The following CNTN4 variants were observed in gnomAD, a reference collection of about 807,000 sequenced individuals.
CNTN4 encodes contactin-4.
Under a neutral mutation model 122.5 loss-of-function variants are expected in CNTN4, and 77 were observed. That is an observed-to-expected ratio of 0.63 (90% CI 0.52 to 0.76). The LOEUF is 0.76. CNTN4 is among the 30% of genes least tolerant of loss of function. The probability of loss-of-function intolerance (pLI) is 0.00; values close to 1 mark genes in which losing one functional copy is unlikely to be tolerated. For missense variants in CNTN4, 1,256 were observed against 1,259.1 expected, an observed-to-expected ratio of 1.00 and a Z score of 0.04; for synonymous variants, 512 against 447.0, an observed-to-expected ratio of 1.15 and a Z score of -1.83.
In CNTN4 at chr3:2,709,448, T is replaced by C. The variant is rs559654115; in HGVS notation, c.56-26767T>C. 6.6e-6 allele frequency among the ~76,000 whole-genome samples: 1 copy of C among 152,214 alleles called. No homozygotes were observed. Among genetic ancestry groups the C allele is most frequent in the African/African-American group, 2.4e-5 (1 of 41,534 alleles). On this transcript the variant is annotated intron_variant, in intron 4 of 24. Coordinates refer to ENST00000418658, the MANE Select transcript of CNTN4 (RefSeq NM_175607.3). This position sits in a 1 kb window ranked among gnomAD's most constrained non-coding sequence, Gnocchi z 5.0. ...TCAAAGTTCCCTCAGGTGATCATCG[T>C]GTGCAATGGGGGATGGGAACTACTG...
intron 7 of CNTN4, among the ~76,000 whole-genome samples, chr3:2,837,305 C>A (rs560394149): frequency 6.6e-6 from 1 of 152,126 alleles, no homozygotes; most frequent in African/African-American, 2.4e-5. Context: ...CCACGTAGTT[C>A]TTTTATTGCT....
intron 4 of CNTN4, among the ~76,000 whole-genome samples, chr3:2,585,912 A>C (rs1010482224): frequency 6.6e-6 from 1 of 151,978 alleles, no homozygotes; most frequent in African/African-American, 2.4e-5. Context: ...AGCTAGGCTC[A>C]GTGTTTCTAG....
chr3:2,812,421 T>C (rs1336908617), intron 6 of CNTN4, among the ~76,000 whole-genome samples: 1 of 152,172 alleles, frequency 6.6e-6, no homozygotes, highest in Non-Finnish European at 1.5e-5. Flanking sequence ...ATATCTTAAA[T>C]ATAAGTGTTA....
At position 2,142,281 on chromosome 3, in the gene CNTN4, T is replaced by A. The variant is rs555213331; in HGVS notation, c.-145+41642T>A. ...AAAATATTTCATAATTTCTCCAAAA[T>A]ATACCAGCTTTCTGGTTTTGTTTTT... On this transcript the variant is annotated intron_variant, in intron 2 of 24. Transcript: ENST00000418658. Among the ~76,000 whole-genome samples the A allele has an allele frequency of 2.0e-5, 3 of 152,362 alleles. No individual in the cohort carries two copies. The South Asian group carries it at 6.2e-4, about 32-fold the overall frequency.
At chr3:2,788,469 C>T (rs1473945677) in intron 6 of CNTN4, among the ~76,000 whole-genome samples, 1 of 152,186 alleles carries the variant, frequency 6.6e-6, no homozygotes, top group Non-Finnish European at 1.5e-5. Flanking sequence ...CCATTCACAA[C>T]ATTCTTACTG....
chr3:2,181,367 T>C (rs2037007584), intron 2 of CNTN4, among the ~76,000 whole-genome samples: 2 of 152,078 alleles, frequency 1.3e-5, no homozygotes, highest in Admixed American at 6.6e-5. Context: ...AAGTGATGTA[T>C]AAGGGGACAG....
intron 4 of CNTN4, among the ~76,000 whole-genome samples, chr3:2,691,963 C>A (rs2085763286): frequency 6.6e-6 from 1 of 152,298 alleles, no homozygotes; most frequent in African/African-American, 2.4e-5. Flanking sequence ...GGGACGGTGA[C>A]ATTTGTTCTT....
Position 2,842,205 on chromosome 3 carries a change from G to A in CNTN4, c.454+22624G>A, listed in dbSNP as rs66521652. On this transcript the variant is annotated intron_variant, in intron 7 of 24. Transcript: ENST00000418658. Reference sequence around the variant, plus strand: ...CAGGTAATGGGTTGCAGCAGAACAGGGCTGTGTGAAGAGAACCTTGAAACA... The same window carrying A: ...CAGGTAATGGGTTGCAGCAGAACAGAGCTGTGTGAAGAGAACCTTGAAACA... Among the ~76,000 whole-genome samples, 22,169 of 152,040 alleles carry A rather than the reference G, an allele frequency of 0.15. 1,663 individuals are homozygous for A. Among genetic ancestry groups the A allele is most frequent in the South Asian group, 0.24 (1,176 of 4,810 alleles).
intron 4 of CNTN4, among the ~76,000 whole-genome samples, chr3:2,623,098 A>G (rs2082051539): frequency 6.6e-6 from 1 of 152,244 alleles, no homozygotes; most frequent in South Asian, 2.1e-4. Context: ...GCTGCAAAGC[A>G]TTATAGAAAA....
intron 16 of CNTN4, among the ~76,000 whole-genome samples, chr3:3,033,511 T>TC (rs1699355951): frequency 6.6e-6 from 1 of 152,222 alleles, no homozygotes; most frequent in Non-Finnish European, 1.5e-5. Flanking sequence ...GTGAGAGGTT[T>TC]CTTTTTTCCC....
At chr3:2,392,969 A>G (rs1478167409) in intron 3 of CNTN4, among the ~76,000 whole-genome samples, 2 of 152,196 alleles carry the variant, frequency 1.3e-5, no homozygotes, top group Non-Finnish European at 2.9e-5. Flanking sequence ...CTTGTAACAA[A>G]GTACCACAAA....
chr3:2,882,366 GA>G (rs950535560), intron 8 of CNTN4, among the ~76,000 whole-genome samples: 5,569 of 131,612 alleles, frequency 0.042, 290 homozygotes, highest in African/African-American at 0.14. Context: ...ACTTCGTCTC[GA>G]AAAAAAAAAA....
At chr3:2,427,775 A>G (rs2151168220) in intron 3 of CNTN4, among the ~76,000 whole-genome samples, 1 of 152,052 alleles carries the variant, frequency 6.6e-6, no homozygotes, top group African/African-American at 2.4e-5. Flanking sequence ...GTGCACATAT[A>G]TTTAGGATAG....
chr3:2,824,217 G>A (rs1319849674), intron 7 of CNTN4, among the ~76,000 whole-genome samples: 1 of 151,378 alleles, frequency 6.6e-6, no homozygotes, highest in Non-Finnish European at 1.5e-5. Flanking sequence ...CCAGCACTTT[G>A]GGAGGAGGCC....
intron 2 of CNTN4, among the ~76,000 whole-genome samples, chr3:2,218,252 CAG>C (rs1246231076): frequency 3.3e-5 from 5 of 152,004 alleles, no homozygotes; most frequent in African/African-American, 9.7e-5. Flanking sequence ...CAAGTAGTAA[CAG>C]ATGAATTAAA....
chr3:2,298,836 G>A (rs185635744), intron 2 of CNTN4, among the ~76,000 whole-genome samples: 2 of 152,192 alleles, frequency 1.3e-5, no homozygotes, highest in East Asian at 3.8e-4. Flanking sequence ...GGCCATGATA[G>A]TTTTTGTGAG....
chr3:2,815,519 T>A (rs147076236), intron 6 of CNTN4, among the ~76,000 whole-genome samples: 1,574 of 152,152 alleles, frequency 0.01, 36 homozygotes, highest in African/African-American at 0.036. Context: ...ATCAGGGAAA[T>A]GCATATCAAA....
chr3:2,234,961 T>C (rs2039625101), intron 2 of CNTN4, among the ~76,000 whole-genome samples: 1 of 152,188 alleles, frequency 6.6e-6, no homozygotes, highest in African/African-American at 2.4e-5. Flanking sequence ...TTGAACAGTA[T>C]TGCCCTGAGT....
intron 2 of CNTN4, among the ~76,000 whole-genome samples, chr3:2,151,220 T>C (rs2035481624): frequency 6.6e-6 from 1 of 152,146 alleles, no homozygotes; most frequent in African/African-American, 2.4e-5. Context: ...CCACTTCGCC[T>C]GGCCAACAAG....
Sources: allele counts gnomAD v4.1 joint callset (sites outside exome capture counted in the v4.1 genomes callset), GRCh38; gene constraint gnomAD v4.1.1; non-coding constraint Gnocchi (gnomAD v3.1); transcripts MANE v1.5; gene names NCBI Gene and HGNC (gene_info 2026-07-23, HGNC 2026-07-21).